EPHA6: variants seen among roughly 807,000 people sequenced by gnomAD.
EPHA6 encodes EPH receptor A6.
A neutral mutation model predicts 112.0 loss-of-function variants in EPHA6; 50 were observed. That is an observed-to-expected ratio of 0.45 (90% CI 0.36 to 0.56). The LOEUF (loss-of-function observed/expected upper bound fraction) is 0.56, where lower values mean the gene tolerates loss of function less well. Ranked by LOEUF, EPHA6 falls within the 20% of genes least tolerant of loss-of-function variation. EPHA6 has a pLI of 0.00. For synonymous variants in EPHA6, 529 were observed against 490.7 expected, an observed-to-expected ratio of 1.08 and a Z score of -1.03; for missense variants, 1,280 against 1,417.4, an observed-to-expected ratio of 0.90 and a Z score of 1.56.
chr3:97,629,747 T>G (rs530215219), intron 13 of EPHA6, among the ~76,000 whole-genome samples: 47 of 152,100 alleles, frequency 3.1e-4, no homozygotes, highest in Non-Finnish European at 1.9e-4. Context: ...CCATGCTCAA[T>G]AACCAGAATC....
At chr3:97,663,441 C>T (rs1229865150) in intron 14 of EPHA6, among the ~76,000 whole-genome samples, 1 of 151,534 alleles carries the variant, frequency 6.6e-6, no homozygotes, top group Non-Finnish European at 1.5e-5. Context: ...CCCATTAACT[C>T]GTCATTTACA....
chr3:96,831,155 A>C (rs2034048928), intron 1 of EPHA6, among the ~76,000 whole-genome samples: 1 of 151,964 alleles, frequency 6.6e-6, no homozygotes, highest in African/African-American at 2.4e-5. Context: ...TTTTACTCTC[A>C]TTTTATTTAT....
At chr3:96,870,026 A>T (rs188529984) in intron 2 of EPHA6, among the ~76,000 whole-genome samples, 23 of 152,214 alleles carry the variant, frequency 1.5e-4, no homozygotes, top group Non-Finnish European at 2.6e-4. Flanking sequence ...TCTGTTGGAC[A>T]TAGTGAATTG....
At chr3:97,136,345 A>G (rs780569102) in intron 3 of EPHA6, among the ~76,000 whole-genome samples, 4 of 152,210 alleles carry the variant, frequency 2.6e-5, no homozygotes, top group Non-Finnish European at 5.9e-5. Flanking sequence ...TCACAATAAG[A>G]CAGTAAAATC....
intron 14 of EPHA6, among the ~76,000 whole-genome samples, chr3:97,656,454 T>C (rs1274033360): frequency 6.6e-6 from 1 of 151,904 alleles, no homozygotes; most frequent in African/African-American, 2.4e-5. Context: ...TTTCCGAACC[T>C]ATAAATAATG....
At chr3:97,163,567 T>G (rs1446312983) in intron 3 of EPHA6, among the ~76,000 whole-genome samples, 1 of 152,164 alleles carries the variant, frequency 6.6e-6, no homozygotes, top group African/African-American at 2.4e-5. Context: ...ATTTGTACCT[T>G]GTCTAGTTAT....
chr3:97,729,618 G>C (rs1427271876), intron 15 of EPHA6, among the ~76,000 whole-genome samples: 1 of 151,974 alleles, frequency 6.6e-6, no homozygotes, highest in Non-Finnish European at 1.5e-5. Flanking sequence ...ATGAGATTTG[G>C]GTGGGGACAC....
At chr3:96,854,606 G>A (rs1463016222) in intron 1 of EPHA6, among the ~76,000 whole-genome samples, 1 of 151,990 alleles carries the variant, frequency 6.6e-6, no homozygotes, top group African/African-American at 2.4e-5. Flanking sequence ...TTTTATATAT[G>A]TATATGTGTG....
At chr3:97,274,095 G>A (rs1045426232) in intron 5 of EPHA6, among the ~76,000 whole-genome samples, 1 of 152,130 alleles carries the variant, frequency 6.6e-6, no homozygotes, top group Non-Finnish European at 1.5e-5. Flanking sequence ...GGTTCTAAGA[G>A]GCAGGCTAGC....
At chr3:97,187,745 G>GA (rs1418770206) in intron 3 of EPHA6, among the ~76,000 whole-genome samples, 8 of 138,306 alleles carry the variant, frequency 5.8e-5, no homozygotes, top group East Asian at 4.4e-4. Flanking sequence ...AAGAAAGAAA[G>GA]AGGAAAGAAA....
At chr3:97,205,940 G>A (rs2077703825) in intron 3 of EPHA6, among the ~76,000 whole-genome samples, 1 of 151,988 alleles carries the variant, frequency 6.6e-6, no homozygotes, top group Non-Finnish European at 1.5e-5. Context: ...CAGACTTACA[G>A]GAGTTAAATA....
chr3:97,350,057 C>T (rs915215375), intron 5 of EPHA6, among the ~76,000 whole-genome samples: 10 of 151,724 alleles, frequency 6.6e-5, no homozygotes, highest in South Asian at 2.1e-4. Flanking sequence ...GGTTTGTTTC[C>T]GGGAAATTTT....
intron 3 of EPHA6, among the ~76,000 whole-genome samples, chr3:97,137,300 GT>G (rs1331390310): frequency 6.6e-6 from 1 of 152,026 alleles, no homozygotes; most frequent in Non-Finnish European, 1.5e-5. Flanking sequence ...GCCAATTCTT[GT>G]ACTCCTCCTG....
At chr3:97,337,057 T>A (rs965918472) in intron 5 of EPHA6, among the ~76,000 whole-genome samples, 1 of 152,078 alleles carries the variant, frequency 6.6e-6, no homozygotes, top group Non-Finnish European at 1.5e-5. Flanking sequence ...TATAGTACTT[T>A]AAAGATACTA....
intron 2 of EPHA6, among the ~76,000 whole-genome samples, chr3:96,905,491 T>C (rs1421320218): frequency 6.6e-6 from 1 of 152,006 alleles, no homozygotes; most frequent in African/African-American, 2.4e-5. Context: ...ATGTGAAATA[T>C]TATTATGTCT....
chr3:96,931,427 C>A (rs916509111), intron 2 of EPHA6, among the ~76,000 whole-genome samples: 1 of 152,086 alleles, frequency 6.6e-6, no homozygotes, highest in African/African-American at 2.4e-5. Context: ...TCACCTCCCC[C>A]CAGGGACTCC....
At chr3:97,561,826 G>A (rs2093196424) in intron 11 of EPHA6, among the ~76,000 whole-genome samples, 3 of 152,080 alleles carry the variant, frequency 2.0e-5, no homozygotes, top group Admixed American at 6.6e-5. Flanking sequence ...CTTTTCTGTA[G>A]GGGCTAATGC....
chr3:97,184,859 A>C (rs2077082190), intron 3 of EPHA6, among the ~76,000 whole-genome samples: 1 of 152,204 alleles, frequency 6.6e-6, no homozygotes, highest in South Asian at 2.1e-4. Context: ...ACTGTTACCA[A>C]AACAGAGATA....
chr3:96,947,203 T>A (rs1055015994), intron 2 of EPHA6, among the ~76,000 whole-genome samples: 1 of 152,198 alleles, frequency 6.6e-6, no homozygotes, highest in African/African-American at 2.4e-5. Flanking sequence ...CATTTGTCAG[T>A]TTTGGCTTTT....
Sources: allele counts gnomAD v4.1 joint callset (sites outside exome capture counted in the v4.1 genomes callset), GRCh38; gene constraint gnomAD v4.1.1; transcripts MANE v1.5; gene names NCBI Gene and HGNC (gene_info 2026-07-23, HGNC 2026-07-21).